Variants in SLA2 observed in about 807,000 individuals in gnomAD.
SLA2 encodes src-like-adapter 2.
In SLA2, 22 loss-of-function variants were observed where a neutral mutation model predicts 27.3. The ratio of observed to expected loss-of-function variants is 0.81; its 90% CI spans 0.58 to 1.15. The LOEUF is 1.15. Ranked by LOEUF, SLA2 falls within the 50% of genes most tolerant of loss-of-function variation. SLA2 has a pLI of 0.00. For missense variants in SLA2, 304 were observed against 322.2 expected, an observed-to-expected ratio of 0.94 and a Z score of 0.43; for synonymous variants, 131 against 137.8, an observed-to-expected ratio of 0.95 and a Z score of 0.34.
At chr20:36,633,440 C>A in intron 4 of SLA2, 103 bp downstream of exon 4, 2 of 989,480 alleles carry the variant, frequency 2.0e-6, no homozygotes, top group East Asian at 2.4e-5. Context: ...TCGATTCTCC[C>A]CCATCCCCAG....
chr20:36,633,132 C>G (rs6028440), intron 4 of SLA2, among the ~76,000 whole-genome samples: 10 of 152,148 alleles, frequency 6.6e-5, no homozygotes, highest in Admixed American at 1.3e-4. Context: ...AGTGCAGTGG[C>G]GCAATCACGG....
chr20:36,634,609 T>C lies in SLA2; in HGVS notation c.92-20A>G, dbSNP rs781361205. The C allele has an allele frequency of 1.1e-5, 17 of 1,529,192 alleles. No individual in the cohort carries two copies. Among genetic ancestry groups the C allele is most frequent in the Middle Eastern group, 1.7e-4 (1 of 5,856 alleles). 94.7% of individuals were successfully genotyped at this position (1,529,192 alleles called of 1,614,324 possible). On this transcript the variant is annotated intron_variant, in intron 2 of 7. Transcript: ENST00000262866. ...TTCTCTCTAGATGGAGGGACAGAAA[T>C]AGTCACCTACTTAGCTAGCCCTGCT...
At chr20:36,632,112 C>T (rs2039398767) in intron 5 of SLA2, among the ~76,000 whole-genome samples, 1 of 152,180 alleles carries the variant, frequency 6.6e-6, no homozygotes. Context: ...ACGCCCAGCA[C>T]TGTGTCTCTG....
chr20:36,614,197 C>T (rs1398872429), intron 7 of SLA2, 108 bp downstream of exon 7: 4 of 1,572,508 alleles, frequency 2.5e-6, no homozygotes, highest in East Asian at 4.5e-5. Flanking sequence ...GCTCCAGCTG[C>T]CAGGTGTCCC....
At chr20:36,614,728 G>A in intron 6 of SLA2, 1 of 985,436 alleles carries the variant, frequency 1.0e-6, no homozygotes, top group Non-Finnish European at 1.2e-6. Flanking sequence ...GGAATGCTCA[G>A]TCTACTTCTA....
Position 36,633,617 on chromosome 20 carries a change from C to A in SLA2, c.204G>T (p.Trp68Cys). The change falls in exon 4 of 8, where the codon TGG becomes TGT. Residue 68 changes from tryptophan to cysteine, a missense_variant. Transcript: ENST00000262866. ...PLTIVSEDGDWWTVLSEVSGR... is the reference protein window; with the variant it reads ...PLTIVSEDGDCWTVLSEVSGR... The stretch of plus-strand genomic sequence containing the variant: ...CTGAGACTTCAGACAGCACCGTCCA[C>A]CAGTCTCCATCCCTGGAGAGAGAAA... 1 of 1,613,848 alleles carries A rather than the reference C, an allele frequency of 6.2e-7. No homozygotes were observed. The highest frequency in any genetic ancestry group is 8.5e-7 in the Non-Finnish European group (1 of 1,179,834).
Position 36,636,198 on chromosome 20 carries a change from A to ACC in SLA2, c.92-1610_92-1609insGG, listed in dbSNP as rs570370522. ...TTTGGGAGGCCGAGGCGGGTGGATC[A>ACC]TGAGGTCAGGAGATCGAGACCATCC... On this transcript the variant is annotated intron_variant, in intron 2 of 7. Transcript: ENST00000262866. Among the ~76,000 whole-genome samples the ACC allele has an allele frequency of 6.3e-3, 943 of 149,506 alleles. 9 individuals are homozygous for ACC. The highest frequency in any genetic ancestry group is 0.022 in the African/African-American group (890 of 39,570).
At chr20:36,625,581 C>T (rs1172820255) in intron 5 of SLA2, among the ~76,000 whole-genome samples, 1 of 152,084 alleles carries the variant, frequency 6.6e-6, no homozygotes, top group Non-Finnish European at 1.5e-5. Flanking sequence ...CCTGTAATCC[C>T]AGCACTTGGG....
chr20:36,614,752 T>TC, intron 6 of SLA2: 4 of 985,406 alleles, frequency 4.1e-6, no homozygotes, highest in Non-Finnish European at 4.8e-6. Flanking sequence ...ACTGTCTACT[T>TC]CCACACAGAG....
rs1233849593 is a variant in SLA2 at position 36,613,228 on chromosome 20, GAA to G, written c.*636_*637del. On this transcript the variant is annotated 3_prime_UTR_variant, in exon 8 of 8. Coordinates refer to ENST00000262866, the MANE Select transcript of SLA2 (RefSeq NM_032214.4). ...GGGCAAGACTCCGTCTCAAAAAAAA[GAA>G]AAAGAGCTGGGGCTGTTGTCCTCAA... is the stretch of plus-strand genomic sequence containing the variant. The G allele has an allele frequency of 6.6e-6, 1 of 152,336 alleles. No individual in the cohort carries two copies. The highest frequency in any genetic ancestry group is 2.4e-5 in the African/African-American group (1 of 41,462). The allele number at this position is 152,336 out of a possible 1,614,324, so 9.4% of individuals were successfully genotyped here.
chr20:36,638,253 A>G (rs2039472742), intron 2 of SLA2, among the ~76,000 whole-genome samples: 1 of 151,966 alleles, frequency 6.6e-6, no homozygotes, highest in African/African-American at 2.4e-5. Flanking sequence ...TAATTATCAC[A>G]TGGTTGAGGA....
At chr20:36,637,642 T>G (rs1221293746) in intron 2 of SLA2, among the ~76,000 whole-genome samples, 1 of 144,538 alleles carries the variant, frequency 6.9e-6, no homozygotes, top group Non-Finnish European at 1.5e-5. Context: ...TTTTTTTTTT[T>G]TTTTGAGACA....
intron 5 of SLA2, among the ~76,000 whole-genome samples, chr20:36,616,387 G>A (rs566461341): frequency 1.4e-5 from 2 of 144,592 alleles, no homozygotes; most frequent in Non-Finnish European, 3.0e-5. Context: ...CTGGAGTGCA[G>A]TGGTGCAATC....
At chr20:36,629,443 C>T (rs1365718692) in intron 5 of SLA2, among the ~76,000 whole-genome samples, 1 of 148,466 alleles carries the variant, frequency 6.7e-6, no homozygotes, top group Admixed American at 6.8e-5. Flanking sequence ...ACCAGCCTGG[C>T]CAACATGGCA....
chr20:36,612,759 T>C lies in SLA2; in HGVS notation c.*1107A>G. On this transcript the variant is annotated 3_prime_UTR_variant, in exon 8 of 8. Transcript: ENST00000262866. ...TTGGTGTAGGCTGTGGTCTCCGTCT[T>C]GGCATTGTGGAGAGAGGGCTTAGCA... is the stretch of plus-strand genomic sequence containing the variant. 5.3e-6 allele frequency: 1 copy of C among 188,710 alleles called. No individual in the cohort carries two copies. The allele number at this position is 188,710 out of a possible 1,614,324, so 11.7% of individuals were successfully genotyped here.
intron 5 of SLA2, among the ~76,000 whole-genome samples, chr20:36,624,362 G>A (rs765447459): frequency 4.6e-5 from 7 of 152,082 alleles, no homozygotes; most frequent in South Asian, 2.1e-4. Flanking sequence ...TGCTGAGGAC[G>A]CGCCTCCCTG....
chr20:36,641,179 C>A, intron 2 of SLA2, 66 bp downstream of exon 2: 1 of 1,375,402 alleles, frequency 7.3e-7, no homozygotes. Context: ...CCAGGAAGGC[C>A]CACAGAGGCA....
chr20:36,628,512 G>C (rs1164421638), intron 5 of SLA2, among the ~76,000 whole-genome samples: 1 of 152,062 alleles, frequency 6.6e-6, no homozygotes, highest in Non-Finnish European at 1.5e-5. Flanking sequence ...CAGAAACCCT[G>C]GAGGTGGGGT....
chr20:36,640,240 T>G (rs930076220), intron 2 of SLA2, among the ~76,000 whole-genome samples: 2 of 151,534 alleles, frequency 1.3e-5, no homozygotes, highest in Admixed American at 1.3e-4. Flanking sequence ...CCTGGGAGGT[T>G]GAAGCTGCAG....
Sources: allele counts gnomAD v4.1 joint callset (sites outside exome capture counted in the v4.1 genomes callset), GRCh38; gene constraint gnomAD v4.1.1; transcripts MANE v1.5; gene names NCBI Gene and HGNC (gene_info 2026-07-23, HGNC 2026-07-21).